The following TMEM217 variants were observed in gnomAD, a reference collection of about 807,000 sequenced individuals.
TMEM217 encodes the protein transmembrane protein 217.
For missense variants in TMEM217, 204 were observed against 248.8 expected, an observed-to-expected ratio of 0.82 and a Z score of 1.21; for synonymous variants, 76 against 88.3, an observed-to-expected ratio of 0.86 and a Z score of 0.78.
chr6:37,245,730 C>G (rs568908022), intron 1 of TMEM217, among the ~76,000 whole-genome samples: 61 of 151,202 alleles, frequency 4.0e-4, no homozygotes, highest in Non-Finnish European at 7.4e-4. Context: ...AGGAGGAGGA[C>G]GAGGAGGAGG....
At chr6:37,225,879 C>G (rs928999478) in intron 1 of TMEM217, among the ~76,000 whole-genome samples, 1 of 151,990 alleles carries the variant, frequency 6.6e-6, no homozygotes, top group Admixed American at 6.5e-5. Flanking sequence ...CTCACCTTCT[C>G]CCTTTCCCCC....
downstream of TMEM217, among the ~76,000 whole-genome samples, chr6:37,214,373 G>A (rs1271712166): frequency 2.6e-5 from 4 of 152,174 alleles, no homozygotes; most frequent in African/African-American, 7.2e-5. Flanking sequence ...GATTACAAGC[G>A]TGCGCCAGCA....
intron 1 of TMEM217, among the ~76,000 whole-genome samples, chr6:37,241,429 G>C (rs1764760816): frequency 6.6e-6 from 1 of 152,136 alleles, no homozygotes; most frequent in Admixed American, 6.6e-5. Flanking sequence ...ATTGTACCTG[G>C]AGAGGGGACT....
At chr6:37,244,524 A>T (rs753979821) in intron 1 of TMEM217, among the ~76,000 whole-genome samples, 26 of 152,168 alleles carry the variant, frequency 1.7e-4, no homozygotes, top group Non-Finnish European at 2.9e-4. Flanking sequence ...CCTTGACCCC[A>T]TGTTTCTCTC....
intron 1 of TMEM217, among the ~76,000 whole-genome samples, chr6:37,221,989 C>A (rs146479064): frequency 6.6e-6 from 1 of 152,282 alleles, no homozygotes; most frequent in African/African-American, 2.4e-5. Context: ...CTCTCTGTAG[C>A]TGGTCCTCCC....
intron 1 of TMEM217, among the ~76,000 whole-genome samples, chr6:37,238,532 G>T (rs1764605118): frequency 6.6e-6 from 1 of 152,154 alleles, no homozygotes; most frequent in Admixed American, 6.6e-5. Flanking sequence ...GGGTGTTCAT[G>T]GCACACAGTT....
chr6:37,219,399 C>T (rs972132193), intron 1 of TMEM217, among the ~76,000 whole-genome samples: 1 of 152,142 alleles, frequency 6.6e-6, no homozygotes, highest in East Asian at 1.9e-4. Flanking sequence ...TAGTAATTTT[C>T]GTATGTAGCC....
exon 2 of TMEM217, chr6:37,218,476 C>T (rs772531243): frequency 5.6e-6 from 9 of 1,613,718 alleles, no homozygotes; most frequent in East Asian, 2.2e-5. Context: ...TGAACCCACT[C>T]GAAATTGATA....
intron 1 of TMEM217, among the ~76,000 whole-genome samples, chr6:37,248,756 AAAGTTGT>A (rs1200661089): frequency 6.6e-6 from 1 of 152,222 alleles, no homozygotes; most frequent in Non-Finnish European, 1.5e-5. Flanking sequence ...CAATGGGCAA[AAAGTTGT>A]GAGGGAGATC....
chr6:37,243,422 T>A (rs969618476), intron 1 of TMEM217, among the ~76,000 whole-genome samples: 6 of 152,170 alleles, frequency 3.9e-5, no homozygotes, highest in African/African-American at 1.4e-4. Context: ...CTGTCCTTCT[T>A]CCCAGTGTAA....
intron 1 of TMEM217, among the ~76,000 whole-genome samples, chr6:37,224,857 A>T (rs1583444446): frequency 6.6e-6 from 1 of 152,064 alleles, no homozygotes; most frequent in Non-Finnish European, 1.5e-5. Flanking sequence ...TTGGCCATAC[A>T]TATATATGTG....
downstream of TMEM217, chr6:37,213,050 A>T (rs758313206): frequency 3.0e-5 from 36 of 1,203,648 alleles, no homozygotes; most frequent in Admixed American, 5.9e-4. Flanking sequence ...GTAGCCTTAG[A>T]CAAATCCCCC....
In TMEM217 at chr6:37,219,005, A is replaced by T. The variant is rs1400594721; in HGVS notation, c.26T>A (p.Met9Lys). 19 of 1,613,876 alleles carry T rather than the reference A, an allele frequency of 1.2e-5. No homozygotes were observed. The highest frequency in any genetic ancestry group is 1.5e-5 in the Non-Finnish European group (18 of 1,179,872). Residue 9 changes from methionine to lysine, a missense_variant, in exon 2 of 2, where the codon ATG becomes AAG. Transcript: ENST00000357219. ...CAACACGGTGCCCATTTTGGCAGTC[A>T]TCCCACACCACTGCTGCTGTTTCAT... is the stretch of plus-strand genomic sequence containing the variant.
intron 1 of TMEM217, among the ~76,000 whole-genome samples, chr6:37,222,572 G>A (rs1280634166): frequency 1.3e-5 from 2 of 152,224 alleles, no homozygotes. Context: ...TCAGTGAAGT[G>A]GGAGGCCCAG....
chr6:37,218,791 G>A (rs1032193839), exon 2 of TMEM217: 10 of 1,614,086 alleles, frequency 6.2e-6, no homozygotes, highest in Non-Finnish European at 8.5e-6. Flanking sequence ...ACAGGAGGAA[G>A]CAGCTGATGA....
Position 37,219,255 on chromosome 6 carries a change from T to C in TMEM217, c.-11-214A>G, listed in dbSNP as rs561304648. Among the ~76,000 whole-genome samples the C allele has an allele frequency of 4.6e-5, 7 of 152,262 alleles. No individual in the cohort carries two copies. In the South Asian group the frequency reaches 1.5e-3, roughly 32 times the overall value. ...AGTCAAGTTGGTGGCAATGACCAGA[T>C]AAAATTACAGTAGTGGTTCTCAACC... On this transcript the variant is annotated intron_variant, in intron 1 of 1. Transcript: ENST00000357219.
At chr6:37,217,836 A>C in exon 2 of TMEM217, 3 of 985,488 alleles carry the variant, frequency 3.0e-6, no homozygotes, top group Non-Finnish European at 3.6e-6. Flanking sequence ...TGCCAAGAAA[A>C]AAGGATTGCC....
intron 1 of TMEM217, among the ~76,000 whole-genome samples, chr6:37,244,798 C>G (rs1764967093): frequency 6.6e-6 from 1 of 152,210 alleles, no homozygotes; most frequent in South Asian, 2.1e-4. Flanking sequence ...GAGCTGATCT[C>G]AGCTGGACTC....
At chr6:37,226,577 G>A (rs985923294) in intron 1 of TMEM217, among the ~76,000 whole-genome samples, 8 of 150,520 alleles carry the variant, frequency 5.3e-5, no homozygotes, top group South Asian at 2.1e-4. Flanking sequence ...GATTACAGGC[G>A]TGAGCCACTG....
Sources: allele counts gnomAD v4.1 joint callset (sites outside exome capture counted in the v4.1 genomes callset), GRCh38; gene constraint gnomAD v4.1.1; transcripts MANE v1.5; gene names NCBI Gene and HGNC (gene_info 2026-07-23, HGNC 2026-07-21).